Variants in KLF12 observed in about 807,000 individuals in gnomAD.
KLF12 encodes the protein Krueppel-like factor 12.
A neutral mutation model predicts 37.8 loss-of-function variants in KLF12; 9 were observed. The observed-to-expected ratio is 0.24, with a 90% CI of 0.14 to 0.42. KLF12 has a LOEUF of 0.42. Among genes scored for constraint, KLF12 ranks in the 10% least tolerant of loss-of-function variants. KLF12 has a pLI of 1.00. For missense variants in KLF12, 411 were observed against 516.0 expected (o/e 0.80, Z 1.97); for synonymous variants, 208 against 202.1 (o/e 1.03, Z -0.25).
At chr13:74,033,087 C>T (rs1019502932) in intron 1 of KLF12, among the ~76,000 whole-genome samples, 5 of 152,078 alleles carry the variant, frequency 3.3e-5, no homozygotes, top group African/African-American at 1.2e-4. Flanking sequence ...TAAAACGTGA[C>T]ATGTACTGTA....
At chr13:73,927,420 T>C (rs1323902736) in intron 3 of KLF12, among the ~76,000 whole-genome samples, 1 of 152,186 alleles carries the variant, frequency 6.6e-6, no homozygotes, top group African/African-American at 2.4e-5. Context: ...ATAAGCCCCA[T>C]TCCCATCCGT....
At chr13:74,183,835 G>A in the KLF12 span, among the ~76,000 whole-genome samples, 21 of 152,300 alleles carry the variant, frequency 1.4e-4, no homozygotes, top group Non-Finnish European at 2.5e-4. Flanking sequence ...TACTCAGGTG[G>A]CTGTGGTGGG....
chr13:74,125,092 C>T (rs866535643), intron 1 of KLF12, among the ~76,000 whole-genome samples: 2 of 148,516 alleles, frequency 1.3e-5, no homozygotes, highest in Non-Finnish European at 3.0e-5. Context: ...TTGCAGTGAG[C>T]TGAGATGGTG....
At chr13:74,148,622 T>G in the KLF12 span, among the ~76,000 whole-genome samples, 1 of 152,028 alleles carries the variant, frequency 6.6e-6, no homozygotes, top group South Asian at 2.1e-4. Context: ...TGGCACTGAT[T>G]GATAGCTCAA....
intron 1 of KLF12, among the ~76,000 whole-genome samples, chr13:74,076,822 G>C (rs1165627479): frequency 6.6e-6 from 1 of 151,990 alleles, no homozygotes; most frequent in African/African-American, 2.4e-5. Context: ...GTCGACCCCA[G>C]TGTCTGTTGT....
chr13:73,932,206 T>G (rs147156731), intron 3 of KLF12, among the ~76,000 whole-genome samples: 1 of 152,322 alleles, frequency 6.6e-6, no homozygotes, highest in East Asian at 1.9e-4. Context: ...GTTTGAGAGT[T>G]AAAATCAGTC....
chr13:74,115,270 A>G (rs1222513816), intron 1 of KLF12, among the ~76,000 whole-genome samples: 1 of 152,210 alleles, frequency 6.6e-6, no homozygotes, highest in African/African-American at 2.4e-5. Context: ...CACATAATAC[A>G]TTGCCCATAG....
chr13:74,001,782 A>T (rs547160439), intron 1 of KLF12, among the ~76,000 whole-genome samples: 11 of 152,352 alleles, frequency 7.2e-5, no homozygotes, highest in African/African-American at 2.6e-4. Context: ...ATTGTGGTGA[A>T]AACATTCCAT....
chr13:73,989,715 C>T (rs1891914678), intron 2 of KLF12, among the ~76,000 whole-genome samples: 2 of 152,114 alleles, frequency 1.3e-5, no homozygotes, highest in Non-Finnish European at 2.9e-5. Flanking sequence ...CAAACACTAG[C>T]CCCATATAAA....
chr13:74,090,789 G>A (rs149224487), intron 1 of KLF12, among the ~76,000 whole-genome samples: 209 of 151,774 alleles, frequency 1.4e-3, no homozygotes, highest in African/African-American at 4.3e-3. Flanking sequence ...TCATTCTGTA[G>A]GTTCTCCTTT....
At chr13:74,025,116 G>A (rs1030343584) in intron 1 of KLF12, among the ~76,000 whole-genome samples, 2 of 152,162 alleles carry the variant, frequency 1.3e-5, no homozygotes, top group African/African-American at 4.8e-5. Flanking sequence ...GAAATTTAAA[G>A]TGTCTTAGAA....
At chr13:74,296,063 C>G in the KLF12 span, among the ~76,000 whole-genome samples, 1 of 151,976 alleles carries the variant, frequency 6.6e-6, no homozygotes, top group African/African-American at 2.4e-5. Flanking sequence ...GGGTGATCCA[C>G]CCACCTCAGC....
intron 6 of KLF12, among the ~76,000 whole-genome samples, chr13:73,739,110 C>G (rs1310074713): frequency 6.6e-6 from 1 of 151,936 alleles, no homozygotes; most frequent in Non-Finnish European, 1.5e-5. Flanking sequence ...TGGTGCATGC[C>G]TGTAATCCCA....
Position 73,695,425 on chromosome 13 carries a change from G to T in KLF12, c.*65C>A. ...GTGTTAACACTGTGAAGGGGATTCA[G>T]CCCTGCTGAATTGGGTGCCGCTAAG... On this transcript the variant is annotated 3_prime_UTR_variant, in exon 8 of 8. Transcript: ENST00000377669. 6.7e-7 allele frequency: 1 copy of T among 1,501,048 alleles called. No individual in the cohort carries two copies. The highest frequency in any genetic ancestry group is 9.2e-7 in the Non-Finnish European group (1 of 1,085,830). 93.0% of individuals were successfully genotyped at this position (1,501,048 alleles called of 1,614,324 possible).
intron 3 of KLF12, among the ~76,000 whole-genome samples, chr13:73,917,242 G>T (rs1187585294): frequency 6.6e-6 from 1 of 152,036 alleles, no homozygotes; most frequent in African/African-American, 2.4e-5. Flanking sequence ...TCAATACATA[G>T]CATTTGTACT....
chr13:74,001,832 C>T (rs1194607399), intron 1 of KLF12, among the ~76,000 whole-genome samples: 1 of 152,116 alleles, frequency 6.6e-6, no homozygotes, highest in African/African-American at 2.4e-5. Flanking sequence ...ATGGTACATG[C>T]TTAATTATGG....
chr13:74,094,529 A>G (rs1875863543), intron 1 of KLF12, among the ~76,000 whole-genome samples: 1 of 152,176 alleles, frequency 6.6e-6, no homozygotes, highest in Non-Finnish European at 1.5e-5. Flanking sequence ...CTCTAGGATC[A>G]ATCACAATGC....
intron 3 of KLF12, among the ~76,000 whole-genome samples, chr13:73,921,046 A>G (rs2139217073): frequency 1.3e-5 from 2 of 151,926 alleles, no homozygotes; most frequent in East Asian, 3.9e-4. Flanking sequence ...CAGACACCAC[A>G]CCCATAACTC....
chr13:73,828,848 G>A (rs1883993857), intron 4 of KLF12, among the ~76,000 whole-genome samples: 1 of 151,992 alleles, frequency 6.6e-6, no homozygotes. Context: ...TTATCTACTT[G>A]TCGAATCTAT....
Sources: allele counts gnomAD v4.1 joint callset (sites outside exome capture counted in the v4.1 genomes callset), GRCh38; gene constraint gnomAD v4.1.1; transcripts MANE v1.5; gene names NCBI Gene and HGNC (gene_info 2026-07-23, HGNC 2026-07-21).